The following EFCAB10 variants were observed in gnomAD, a reference collection of about 807,000 sequenced individuals.
The protein encoded by EFCAB10 is EF-hand calcium-binding domain-containing protein 10.
A neutral mutation model predicts 7.7 loss-of-function variants in EFCAB10; 7 were observed. The ratio of observed to expected loss-of-function variants is 0.91; its 90% CI spans 0.52 to 1.72. The LOEUF (loss-of-function observed/expected upper bound fraction) is 1.72. Ranked by LOEUF, EFCAB10 falls within the 40% of genes most tolerant of loss-of-function variation. EFCAB10 has a pLI of 0.00. For synonymous variants in EFCAB10, 52 were observed against 21.0 expected, an observed-to-expected ratio of 2.47 and a Z score of -4.03; for missense variants, 112 against 61.5, an observed-to-expected ratio of 1.82 and a Z score of -2.74.
chr7:105,573,844 C>T (rs1214050503), intron 1 of EFCAB10, among the ~76,000 whole-genome samples: 1 of 152,154 alleles, frequency 6.6e-6, no homozygotes, highest in Admixed American at 6.6e-5. Context: ...GACTTTACCA[C>T]ACTCTACTAA....
rs761878602 is a variant in EFCAB10, at chr7:105,567,212, C to T, written c.383+255G>A. 6 of 1,613,132 alleles carry T rather than the reference C, an allele frequency of 3.7e-6. No individual in the cohort carries two copies. Among genetic ancestry groups the T allele is most frequent in the Non-Finnish European group, 5.1e-6 (6 of 1,179,600 alleles). On this transcript the variant is annotated intron_variant, in intron 4 of 4. Coordinates refer to ENST00000480514, the MANE Select transcript of EFCAB10 (RefSeq NM_001355526.2). Reference sequence around the variant, plus strand: ...AGTCAGCTTCAGGGCAGCTTCCTGCCACAGCAGCATTAAATGAAGTTGGAA... The same window carrying T: ...AGTCAGCTTCAGGGCAGCTTCCTGCTACAGCAGCATTAAATGAAGTTGGAA...
intron 1 of EFCAB10, chr7:105,573,428 A>G (rs904658789): frequency 1.3e-5 from 2 of 152,226 alleles, no homozygotes; most frequent in African/African-American, 4.8e-5. Context: ...CACTTTGATG[A>G]AAATCCAAAC....
intron 1 of EFCAB10, among the ~76,000 whole-genome samples, chr7:105,570,188 T>C (rs1167358627): frequency 2.0e-5 from 2 of 101,358 alleles, no homozygotes; most frequent in South Asian, 7.6e-4. Flanking sequence ...CACTCCAGCC[T>C]GGGCAACAGA....
intron 1 of EFCAB10, chr7:105,572,483 G>C (rs1040195634): frequency 6.6e-6 from 1 of 152,182 alleles, no homozygotes; most frequent in Non-Finnish European, 1.5e-5. Context: ...ATAGTGCTGC[G>C]ATGAATACAA....
chr7:105,572,241 AACTCTTTTTATGAGTTTG>A (rs1360200894), intron 1 of EFCAB10: 1 of 152,164 alleles, frequency 6.6e-6, no homozygotes, highest in African/African-American at 2.4e-5. Context: ...AGCATCATTT[AACTCTTTTTATGAGTTTG>A]ACTTTTTCAG....
intron 1 of EFCAB10, among the ~76,000 whole-genome samples, chr7:105,578,642 C>T (rs1308779466): frequency 2.0e-5 from 3 of 152,140 alleles, no homozygotes; most frequent in African/African-American, 7.2e-5. Context: ...ATAAACTTGC[C>T]TCATAGCCAG....
chr7:105,567,680 T>C (rs1451229907), intron 3 of EFCAB10, 190 bp from the exon 4 acceptor site: 10 of 521,952 alleles, frequency 1.9e-5, no homozygotes, highest in Admixed American at 3.6e-5. Context: ...AAAACTCCCT[T>C]TGAATGCATA....
chr7:105,581,371 A>G lies in EFCAB10; in HGVS notation c.93T>C (p.Leu31=), dbSNP rs1279222622. The change falls in exon 1 of 5, where the codon CTT becomes CTC. Residue 31 remains leucine, a synonymous_variant. Transcript: ENST00000480514. ...EVVSYLTSAL[L]FFRPEKPKEY... is the part of the protein sequence containing the mutation. ...GGGGGCCCTTACCCGGCCGAAAGAA[A>G]AGGAGGGCGCTGGTGAGGTAGCTAA... is the stretch of plus-strand genomic sequence containing the variant. The G allele has an allele frequency of 1.4e-6, 1 of 702,936 alleles. No individual in the cohort carries two copies. The highest frequency in any genetic ancestry group is 1.7e-5 in the African/African-American group (1 of 57,354). The allele number at this position is 702,936 out of a possible 1,614,324, so 43.5% of individuals were successfully genotyped here.
intron 4 of EFCAB10, among the ~76,000 whole-genome samples, chr7:105,565,995 C>T (rs993512657): frequency 3.3e-5 from 5 of 152,112 alleles, no homozygotes; most frequent in South Asian, 2.1e-4. Flanking sequence ...CAGGGCCGGG[C>T]GTGGTGGCTC....
chr7:105,569,802 C>T (rs1233519162), intron 1 of EFCAB10, among the ~76,000 whole-genome samples: 1 of 152,020 alleles, frequency 6.6e-6, no homozygotes, highest in Non-Finnish European at 1.5e-5. Flanking sequence ...ACTATAGAGA[C>T]TGGACCTGGG....
chr7:105,569,501 A>G lies in EFCAB10; in HGVS notation c.177T>C (p.Phe59=), dbSNP rs1019708759. ...TGTTAGAGTTATCCATAAAGAAAGG[A>G]AACGCCACGCCTGTTACTTTTGCAA... is the stretch of plus-strand genomic sequence containing the variant. ...LRIAKVTGVA[F]PFFMDNSNIV... is the part of the protein sequence containing the mutation. Residue 59 remains phenylalanine, a synonymous_variant, in exon 2 of 5, where the codon TTT becomes TTC. Coordinates refer to ENST00000480514, the MANE Select transcript of EFCAB10 (RefSeq NM_001355526.2). The G allele has an allele frequency of 4.3e-6, 3 of 703,044 alleles. No individual in the cohort carries two copies. The highest frequency in any genetic ancestry group is 7.8e-6 in the Non-Finnish European group (3 of 385,008). The allele number at this position is 703,044 out of a possible 1,614,324, so 43.6% of individuals were successfully genotyped here.
At chr7:105,580,319 C>T (rs1201222239) in intron 1 of EFCAB10, among the ~76,000 whole-genome samples, 1 of 151,924 alleles carries the variant, frequency 6.6e-6, no homozygotes, top group Non-Finnish European at 1.5e-5. Context: ...TACAGGCATG[C>T]GCTACCACAC....
At chr7:105,571,323 C>T in intron 1 of EFCAB10, 1 of 152,168 alleles carries the variant, frequency 6.6e-6, no homozygotes, top group Non-Finnish European at 1.5e-5. Flanking sequence ...GTGCCAAAAC[C>T]ATTGCACCAG....
chr7:105,572,023 T>C (rs1477732300), intron 1 of EFCAB10: 1 of 152,248 alleles, frequency 6.6e-6, no homozygotes, highest in Non-Finnish European at 1.5e-5. Flanking sequence ...AATTCCATTT[T>C]TCCATGAACT....
intron 1 of EFCAB10, chr7:105,571,747 T>G (rs1791953507): frequency 6.6e-6 from 1 of 152,310 alleles, no homozygotes; most frequent in Non-Finnish European, 1.5e-5. Flanking sequence ...ACAGGGCAAT[T>G]TTACAAGAGT....
At chr7:105,572,431 T>G (rs777249001) in intron 1 of EFCAB10, 7 of 152,218 alleles carry the variant, frequency 4.6e-5, no homozygotes, top group Non-Finnish European at 8.8e-5. Context: ...TATCCATTCA[T>G]CCATGGACAC....
chr7:105,575,045 G>A (rs1232854834), intron 1 of EFCAB10, among the ~76,000 whole-genome samples: 1 of 151,492 alleles, frequency 6.6e-6, no homozygotes, highest in Admixed American at 6.6e-5. Context: ...AACCCAGGAG[G>A]TGGGGGTTGC....
intron 3 of EFCAB10, 146 bp downstream of exon 3, chr7:105,569,057 T>C: frequency 1.6e-6 from 1 of 610,990 alleles, no homozygotes; most frequent in Non-Finnish European, 2.9e-6. Flanking sequence ...CCGTCAGCCT[T>C]ACCTGTCCTC....
intron 1 of EFCAB10, among the ~76,000 whole-genome samples, chr7:105,570,278 C>CAT (rs1419769888): frequency 8.7e-6 from 1 of 114,660 alleles, no homozygotes; most frequent in South Asian, 2.6e-4. Context: ...TACACACACA[C>CAT]ACACATACAT....
Sources: gnomAD v4.1 joint callset for allele counts (sites outside exome capture counted in the v4.1 genomes callset) on GRCh38, gnomAD v4.1.1 for gene constraint, MANE v1.5 for transcripts, NCBI Gene and HGNC (gene_info 2026-07-23, HGNC 2026-07-21) for gene names.